Variants in ST8SIA1 observed in about 807,000 individuals in gnomAD.
The protein encoded by ST8SIA1 is ST8 alpha-N-acetyl-neuraminide alpha-2,8-sialyltransferase 1.
ST8SIA1 carries 16 observed loss-of-function variants against 35.9 expected under a neutral mutation model. That is an observed-to-expected ratio of 0.45 (90% CI 0.30 to 0.68). The LOEUF (loss-of-function observed/expected upper bound fraction) is 0.68. Among genes scored for constraint, ST8SIA1 ranks in the 30% least tolerant of loss-of-function variants. ST8SIA1 has a pLI of 0.09. For synonymous variants in ST8SIA1, 170 were observed against 169.6 expected (o/e 1.00, Z -0.02); for missense variants, 383 against 453.6 (o/e 0.84, Z 1.41).
At chr12:22,239,139 T>A (rs74068766) in intron 4 of ST8SIA1, among the ~76,000 whole-genome samples, 2,354 of 152,326 alleles carry the variant, frequency 0.015, 71 homozygotes, top group African/African-American at 0.054. Flanking sequence ...TCTGCTTTTA[T>A]AAGCTTCTTA....
chr12:22,249,095 G>A lies in ST8SIA1; in HGVS notation c.495C>T (p.Cys165=). ...QIDEANFVMR[C]NLPPLSSEYT... is the part of the protein sequence containing the mutation. ...ATTCACTTGACAAAGGAGGGAGATTGCATCTAGAGAAACAAGAACAAACAT... is the reference window on the plus strand; with the variant it reads ...ATTCACTTGACAAAGGAGGGAGATTACATCTAGAGAAACAAGAACAAACAT... Residue 165 remains cysteine, a synonymous_variant, in exon 4 of 5, where the codon TGC becomes TGT. Transcript: ENST00000396037. 1.9e-6 allele frequency: 3 copies of A among 1,608,082 alleles called. No homozygotes were observed. Among genetic ancestry groups the A allele is most frequent in the Admixed American group, 1.7e-5 (1 of 59,954 alleles).
At chr12:22,275,642 G>A (rs896539775) in intron 2 of ST8SIA1, among the ~76,000 whole-genome samples, 7 of 152,140 alleles carry the variant, frequency 4.6e-5, no homozygotes, top group African/African-American at 1.4e-4. Flanking sequence ...AGTTCATATC[G>A]TGAAGACCTT....
intron 1 of ST8SIA1, among the ~76,000 whole-genome samples, chr12:22,299,079 A>G (rs1338892946): frequency 6.6e-6 from 1 of 152,166 alleles, no homozygotes; most frequent in Non-Finnish European, 1.5e-5. Context: ...GAAGATAATG[A>G]GGTAAATGTA....
At chr12:22,306,775 T>C (rs1382558948) in intron 1 of ST8SIA1, among the ~76,000 whole-genome samples, 1 of 152,158 alleles carries the variant, frequency 6.6e-6, no homozygotes, top group Non-Finnish European at 1.5e-5. Flanking sequence ...TTTTATTGTT[T>C]CTTTAATAAC....
chr12:22,298,061 T>C (rs2135823134), intron 1 of ST8SIA1, among the ~76,000 whole-genome samples: 1 of 152,290 alleles, frequency 6.6e-6, no homozygotes, highest in Non-Finnish European at 1.5e-5. Flanking sequence ...AGGATTTGAA[T>C]AGCTTCTGTA....
chr12:22,333,826 G>T, intron 1 of ST8SIA1, 171 bp downstream of exon 1: 1 of 785,654 alleles, frequency 1.3e-6, no homozygotes, highest in Non-Finnish European at 2.3e-6. Flanking sequence ...AAGGAACCCT[G>T]ACTAAAGTCT....
chr12:22,304,252 T>C (rs951266105), intron 1 of ST8SIA1, among the ~76,000 whole-genome samples: 4 of 152,132 alleles, frequency 2.6e-5, no homozygotes, highest in African/African-American at 9.7e-5. Flanking sequence ...CAAAAATGTA[T>C]GCATGTGTGT....
chr12:22,257,907 T>A (rs560635529), intron 2 of ST8SIA1, among the ~76,000 whole-genome samples: 3 of 152,136 alleles, frequency 2.0e-5, no homozygotes, highest in Admixed American at 2.0e-4. Flanking sequence ...TATACTGCTA[T>A]GAGAACAGGC....
chr12:22,308,586 A>G (rs900979619), intron 1 of ST8SIA1, among the ~76,000 whole-genome samples: 2 of 152,216 alleles, frequency 1.3e-5, no homozygotes, highest in East Asian at 3.8e-4. Flanking sequence ...TCTGATTTTG[A>G]CAAACCAAAT....
intron 4 of ST8SIA1, among the ~76,000 whole-genome samples, chr12:22,235,987 T>A (rs569579357): frequency 6.6e-6 from 1 of 151,216 alleles, no homozygotes; most frequent in South Asian, 2.1e-4. Flanking sequence ...ATCTGAAGAG[T>A]CATAGAACTT....
chr12:22,264,096 T>C (rs115500979), intron 2 of ST8SIA1, among the ~76,000 whole-genome samples: 212 of 152,274 alleles, frequency 1.4e-3, no homozygotes, highest in African/African-American at 4.8e-3. Flanking sequence ...TCCACACACA[T>C]AATTTAATTT....
chr12:22,251,861 A>G (rs958496144), intron 3 of ST8SIA1, among the ~76,000 whole-genome samples: 1 of 152,198 alleles, frequency 6.6e-6, no homozygotes, highest in Non-Finnish European at 1.5e-5. Flanking sequence ...GAAATCTTAA[A>G]GCAGAAAAAT....
intron 4 of ST8SIA1, among the ~76,000 whole-genome samples, chr12:22,231,928 A>C (rs951508125): frequency 1.3e-5 from 2 of 152,188 alleles, no homozygotes; most frequent in African/African-American, 4.8e-5. Flanking sequence ...TGTGTTGACT[A>C]AGTTTAAAGT....
Position 22,255,406 on chromosome 12 carries a change from A to T in ST8SIA1, c.382-17T>A. 2 of 1,608,084 alleles carry T rather than the reference A, an allele frequency of 1.2e-6. No individual in the cohort carries two copies. Among genetic ancestry groups the T allele is most frequent in the Non-Finnish European group, 1.7e-6 (2 of 1,174,404 alleles). On this transcript the variant is annotated splice_polypyrimidine_tract_variant and intron_variant, in intron 2 of 4. Coordinates refer to ENST00000396037, the MANE Select transcript of ST8SIA1 (RefSeq NM_003034.4). ...TGGGGTTGCCTAGCAACAGAAAACA[A>T]GGCGGGTTTTCACTGCAAAGAACAC... is the stretch of plus-strand genomic sequence containing the variant.
chr12:22,333,993 G>A lies in ST8SIA1; in HGVS notation c.236+4C>T, dbSNP rs1400211415. On this transcript the variant is annotated splice_donor_region_variant and intron_variant, in intron 1 of 4. Transcript: ENST00000396037. ...GAGGGGAGGAGCCGCGAGGGCAGGA[G>A]TACCTGAACGCTCTGGCCGCGGTCT... 1.9e-6 allele frequency: 3 copies of A among 1,613,148 alleles called. No individual in the cohort carries two copies. Among genetic ancestry groups the A allele is most frequent in the Non-Finnish European group, 1.7e-6 (2 of 1,179,504 alleles).
intron 1 of ST8SIA1, among the ~76,000 whole-genome samples, chr12:22,305,374 G>A (rs1185388839): frequency 3.3e-5 from 5 of 149,438 alleles, no homozygotes; most frequent in Admixed American, 6.7e-5. Context: ...AGAATTTCCA[G>A]CATACTTTTT....
intron 1 of ST8SIA1, among the ~76,000 whole-genome samples, chr12:22,327,649 C>T (rs148787591): frequency 1.6e-3 from 244 of 152,240 alleles, no homozygotes; most frequent in African/African-American, 5.8e-3. Flanking sequence ...GCATGGACCC[C>T]TCTCACCAGG....
rs2120583087 is a variant in ST8SIA1 at position 22,195,537 on chromosome 12, A to T, written c.*6015T>A. 6.6e-6 allele frequency: 1 copy of T among 152,344 alleles called. No homozygotes were observed. The highest frequency in any genetic ancestry group is 6.5e-5 in the Admixed American group (1 of 15,294). The allele number at this position is 152,344 out of a possible 1,614,324, so 9.4% of individuals were successfully genotyped here. A position where few individuals can be genotyped will look rare whatever the true frequency, so the allele number is the denominator to read the frequency against. ...CAGGCAACATTCCAACATTTGGGGA[A>T]ATCGCAGGGGCCAGCACATCAGGTG... On this transcript the variant is annotated 3_prime_UTR_variant, in exon 5 of 5. Coordinates refer to ENST00000396037, the MANE Select transcript of ST8SIA1 (RefSeq NM_003034.4).
chr12:22,230,572 G>C (rs1436422801), intron 4 of ST8SIA1, among the ~76,000 whole-genome samples: 1 of 152,298 alleles, frequency 6.6e-6, no homozygotes, highest in East Asian at 1.9e-4. Flanking sequence ...AGTTTCTCCA[G>C]TTAAAGAATT....
Sources: gnomAD v4.1 joint callset for allele counts (sites outside exome capture counted in the v4.1 genomes callset) on GRCh38, gnomAD v4.1.1 for gene constraint, MANE v1.5 for transcripts, NCBI Gene and HGNC (gene_info 2026-07-23, HGNC 2026-07-21) for gene names.